LHPP: variants seen among roughly 807,000 people sequenced by gnomAD.
The protein encoded by LHPP is phospholysine phosphohistidine inorganic pyrophosphate phosphatase.
In LHPP, 24 loss-of-function variants were observed where a neutral mutation model predicts 30.3. The ratio of observed to expected loss-of-function variants is 0.79; its 90% CI spans 0.57 to 1.11. The LOEUF is 1.11. Among genes scored for constraint, LHPP ranks in the 50% most tolerant of loss-of-function variants. The pLI, the probability that LHPP is intolerant of heterozygous loss-of-function variation, is 0.00. For synonymous variants in LHPP, 150 were observed against 157.1 expected (o/e 0.95, Z 0.34); for missense variants, 356 against 367.2 (o/e 0.97, Z 0.25).
At chr10:124,603,137 C>A (rs1014695636) in intron 6 of LHPP, among the ~76,000 whole-genome samples, 1 of 152,204 alleles carries the variant, frequency 6.6e-6, no homozygotes, top group Non-Finnish European at 1.5e-5. Context: ...GTGCTGCCTG[C>A]GGGCGGCAGC....
chr10:124,504,805 G>A (rs946663700), intron 5 of LHPP, among the ~76,000 whole-genome samples: 3 of 152,024 alleles, frequency 2.0e-5, no homozygotes, highest in Non-Finnish European at 4.4e-5. Flanking sequence ...TTCACATTTC[G>A]AATGAGATAC....
chr10:124,581,640 A>G (rs1055774988), intron 6 of LHPP, among the ~76,000 whole-genome samples: 2 of 152,118 alleles, frequency 1.3e-5, no homozygotes, highest in Non-Finnish European at 2.9e-5. Context: ...TTTGGTTTGC[A>G]ATTCCCTACA....
Position 124,498,083 on chromosome 10 carries a change from GT to G in LHPP, c.584del (p.Phe195SerfsTer8). On this transcript the variant is annotated frameshift_variant, in exon 5 of 7. Transcript: ENST00000368842. LOFTEE classifies it high-confidence loss of function. ...AGGTGGTGGGGAAGCCTTCTCCTGA[GT>G]TTTTCAAGTCTGCCCTGCAAGCGAT... ...AEVVGKPSPE[F>X]FKSALQAIGV... The G allele has an allele frequency of 6.2e-7, 1 of 1,614,182 alleles. No individual in the cohort carries two copies. The highest frequency in any genetic ancestry group is 2.2e-5 in the East Asian group (1 of 44,880).
intron 1 of LHPP, among the ~76,000 whole-genome samples, chr10:124,471,042 C>G (rs1297972137): frequency 6.6e-6 from 1 of 152,114 alleles, no homozygotes. Flanking sequence ...TGTAAACATT[C>G]TCACCAGCCT....
At chr10:124,582,678 C>T (rs1485743020) in intron 6 of LHPP, among the ~76,000 whole-genome samples, 1 of 151,928 alleles carries the variant, frequency 6.6e-6, no homozygotes, top group Non-Finnish European at 1.5e-5. Context: ...TATATTCTTA[C>T]AATAAAGGAA....
Position 124,523,024 on chromosome 10 carries a change from G to A in LHPP, c.716+5753G>A, listed in dbSNP as rs1034404589. 5.3e-5 allele frequency among the ~76,000 whole-genome samples: 8 copies of A among 152,080 alleles called. No individual in the cohort carries two copies. The highest frequency in any genetic ancestry group is 1.9e-4 in the African/African-American group (8 of 41,416). ...CTCTCACCACCCCATCACTCTGTTC[G>A]CTGTTCCACGCCACACCCTGCAGCC... On this transcript the variant is annotated intron_variant, in intron 6 of 6. Transcript: ENST00000368842. The surrounding 1 kb of genome is among the most constrained non-coding windows in gnomAD (Gnocchi z 4.2).
rs1262365643 is a variant in LHPP, at chr10:124,506,999, AGGATTTCAGGTCGGGGGGT to A, written c.624+8872_624+8890del. Among the ~76,000 whole-genome samples, 3 of 18,764 alleles carry A rather than the reference AGGATTTCAGGTCGGGGGGT, an allele frequency of 1.6e-4. 1 individual carries two copies. Among genetic ancestry groups the A allele is most frequent in the African/African-American group, 5.7e-4 (3 of 5,252 alleles). The allele number at this position is 18,764 out of a possible 152,430, so 12.3% of individuals were successfully genotyped here. ...AGGATTTCAGGTGAGGGGGGTAGGG[AGGATTTCAGGTCGGGGGGT>A]AGACAGGATTTCAGGTGAGGGGGGT... is the stretch of plus-strand genomic sequence containing the variant. On this transcript the variant is annotated intron_variant, in intron 5 of 6. Transcript: ENST00000368842.
In LHPP at chr10:124,488,408, C is replaced by T. The variant is rs1351771685; in HGVS notation, c.314-14C>T. ...CAGGGCTCCGTGGCACTCTGTCTCT[C>T]TCTCTCTTTCCAGGAGTCCGCTCAG... On this transcript the variant is annotated splice_polypyrimidine_tract_variant and intron_variant, in intron 2 of 6. Coordinates refer to ENST00000368842, the MANE Select transcript of LHPP (RefSeq NM_022126.4). 4 of 1,613,478 alleles carry T rather than the reference C, an allele frequency of 2.5e-6. No homozygotes were observed. Among genetic ancestry groups the T allele is most frequent in the Non-Finnish European group, 3.4e-6 (4 of 1,179,842 alleles).
At position 124,571,081 on chromosome 10, in the gene LHPP, C is replaced by T. The variant is rs187022265; in HGVS notation, c.717-42183C>T. 5.4e-3 allele frequency among the ~76,000 whole-genome samples: 829 copies of T among 152,348 alleles called. 2 individuals carry two copies. Among genetic ancestry groups the T allele is most frequent in the Non-Finnish European group, 8.5e-3 (576 of 68,036 alleles). On this transcript the variant is annotated intron_variant, in intron 6 of 6. Transcript: ENST00000368842. ...GCACACGCTCTCTTCTCTTGTCTGC[C>T]GCCATGTGAGACATGCCTTTCACCT...
chr10:124,486,617 C>T lies in LHPP; in HGVS notation c.314-1805C>T, dbSNP rs971896505. On this transcript the variant is annotated intron_variant, in intron 2 of 6. Transcript: ENST00000368842. ...CTCCCAGCGATGATGTGTGACAACA[C>T]ATGGGAAGCATTGGCCACCAGGGAA... Among the ~76,000 whole-genome samples, 10 of 152,360 alleles carry T rather than the reference C, an allele frequency of 6.6e-5. No individual in the cohort carries two copies. In the South Asian group the frequency reaches 1.7e-3, roughly 25 times the overall value.
chr10:124,580,479 G>A lies in LHPP; in HGVS notation c.717-32785G>A, dbSNP rs182926048. Among the ~76,000 whole-genome samples the A allele has an allele frequency of 2.7e-3, 412 of 152,252 alleles. 1 individual carries two copies. Among genetic ancestry groups the A allele is most frequent in the Non-Finnish European group, 4.2e-3 (283 of 68,016 alleles). The stretch of plus-strand genomic sequence containing the variant: ...AGGGATTTGATTTTATTTTCTATGT[G>A]GATAACAGTTGTTCCATTATCACTT... On this transcript the variant is annotated intron_variant, in intron 6 of 6. Transcript: ENST00000368842.
chr10:124,606,349 C>T (rs1237589369), intron 6 of LHPP, among the ~76,000 whole-genome samples: 4 of 152,226 alleles, frequency 2.6e-5, no homozygotes, highest in African/African-American at 9.7e-5. Flanking sequence ...GGAAGCGTCC[C>T]TGCCCCGCTC....
chr10:124,570,020 T>TGGG (rs1180585311), intron 6 of LHPP, among the ~76,000 whole-genome samples: 1 of 152,084 alleles, frequency 6.6e-6, no homozygotes, highest in Non-Finnish European at 1.5e-5. Context: ...CCCGGCCACT[T>TGGG]CCTCTTTTGC....
At chr10:124,506,694 T>TCG (rs1564796543) in intron 5 of LHPP, among the ~76,000 whole-genome samples, 1 of 62,192 alleles carries the variant, frequency 1.6e-5, no homozygotes, top group Admixed American at 1.8e-4. Flanking sequence ...AGATTTCAGG[T>TCG]TGGCGGGTAG....
At chr10:124,497,864 C>G (rs998352063) in intron 4 of LHPP, among the ~76,000 whole-genome samples, 172 bp from the exon 5 acceptor site, 2 of 152,124 alleles carry the variant, frequency 1.3e-5, no homozygotes, top group Non-Finnish European at 2.9e-5. Context: ...CCGGGCAGCC[C>G]TTTCTGGAGT....
At chr10:124,524,751 A>G (rs1218967068) in intron 6 of LHPP, among the ~76,000 whole-genome samples, 2 of 152,092 alleles carry the variant, frequency 1.3e-5, no homozygotes, top group Non-Finnish European at 2.9e-5. Context: ...AGGATCTCTT[A>G]AACCCAGGAG....
chr10:124,575,414 G>A (rs557730835), intron 6 of LHPP, among the ~76,000 whole-genome samples: 3 of 152,212 alleles, frequency 2.0e-5, no homozygotes, highest in Admixed American at 6.5e-5. Context: ...TCCCTAATAC[G>A]CCATTTACTT....
intron 3 of LHPP, among the ~76,000 whole-genome samples, chr10:124,491,339 C>T (rs1442661693): frequency 2.6e-5 from 4 of 152,160 alleles, no homozygotes; most frequent in African/African-American, 4.8e-5. Context: ...GCTTGCTGTA[C>T]GGGACCAGCT....
In LHPP at chr10:124,517,190, T is replaced by C. The variant is rs199534407; in HGVS notation, c.635T>C (p.Ile212Thr). The change falls in exon 6 of 7, where the codon ATT becomes ACT. Residue 212 changes from isoleucine to threonine, a missense_variant. Transcript: ENST00000368842. The surrounding 1 kb of genome is among the most constrained non-coding windows in gnomAD (Gnocchi z 4.1). ...TCACTGCCGTGACAGGCCGTCATGA[T>C]TGGGGACGATATCGTGGGCGACGTC... Reference protein sequence around the residue: ...IGVEAHQAVMIGDDIVGDVGG... With the variant: ...IGVEAHQAVMTGDDIVGDVGG... The C allele has an allele frequency of 2.0e-5, 32 of 1,604,698 alleles. No individual in the cohort carries two copies. The highest frequency in any genetic ancestry group is 8.5e-5 in the Admixed American group (5 of 58,500).
Sources: allele counts gnomAD v4.1 joint callset (sites outside exome capture counted in the v4.1 genomes callset), GRCh38; gene constraint gnomAD v4.1.1; non-coding constraint Gnocchi (gnomAD v3.1); transcripts MANE v1.5; gene names NCBI Gene and HGNC (gene_info 2026-07-23, HGNC 2026-07-21).